Variants in RBPMS observed in about 807,000 individuals in gnomAD.
RBPMS encodes the protein RNA-binding protein with multiple splicing.
In RBPMS, 7 loss-of-function variants were observed where a neutral mutation model predicts 26.8. The ratio of observed to expected loss-of-function variants is 0.26; its 90% CI spans 0.15 to 0.49. RBPMS has a LOEUF of 0.49. Ranked by LOEUF, RBPMS falls within the 20% of genes least tolerant of loss-of-function variation. RBPMS has a pLI of 0.98. For synonymous variants in RBPMS, 96 were observed against 93.3 expected (o/e 1.03, Z -0.17); for missense variants, 186 against 250.0 (o/e 0.74, Z 1.73).
intron 1 of RBPMS, among the ~76,000 whole-genome samples, chr8:30,411,108 T>C (rs192531895): frequency 9.2e-5 from 14 of 152,306 alleles, no homozygotes; most frequent in East Asian, 1.9e-4. Context: ...CTCTGTCTTA[T>C]TTCGTACTGG....
intron 4 of RBPMS, among the ~76,000 whole-genome samples, chr8:30,496,415 T>G (rs554268545): frequency 1.1e-4 from 16 of 152,152 alleles, no homozygotes; most frequent in East Asian, 5.8e-4. Flanking sequence ...TGATCTGCCC[T>G]CCTTGGCCTC....
At chr8:30,560,592 A>G (rs1010402090) in intron 7 of RBPMS, among the ~76,000 whole-genome samples, 2 of 152,206 alleles carry the variant, frequency 1.3e-5, no homozygotes, top group African/African-American at 4.8e-5. Flanking sequence ...AATACTTCAT[A>G]TTCGAGTGTG....
At chr8:30,557,277 T>C (rs902542589) in intron 6 of RBPMS, among the ~76,000 whole-genome samples, 5 of 152,148 alleles carry the variant, frequency 3.3e-5, no homozygotes, top group African/African-American at 1.2e-4. Flanking sequence ...AGGAGGCCCA[T>C]GGGGAGGAGG....
At chr8:30,522,883 C>T (rs1823207336) in intron 5 of RBPMS, among the ~76,000 whole-genome samples, 1 of 151,956 alleles carries the variant, frequency 6.6e-6, no homozygotes, top group African/African-American at 2.4e-5. Context: ...TGGTATTTTC[C>T]AGTTATTTGT....
At chr8:30,462,664 G>C (rs1816052304) in intron 1 of RBPMS, among the ~76,000 whole-genome samples, 1 of 152,072 alleles carries the variant, frequency 6.6e-6, no homozygotes, top group African/African-American at 2.4e-5. Context: ...CTGACCTCAA[G>C]TGATCGGCCA....
chr8:30,512,051 G>A (rs1821777692), intron 5 of RBPMS, among the ~76,000 whole-genome samples: 1 of 152,082 alleles, frequency 6.6e-6, no homozygotes, highest in African/African-American at 2.4e-5. Flanking sequence ...CACGTTAAGA[G>A]AACATGCCTC....
chr8:30,543,330 C>G (rs1195094466), intron 5 of RBPMS, among the ~76,000 whole-genome samples: 8 of 152,102 alleles, frequency 5.3e-5, no homozygotes, highest in African/African-American at 1.9e-4. Flanking sequence ...GTTGCTAGCC[C>G]CCTTTCTGTA....
intron 5 of RBPMS, among the ~76,000 whole-genome samples, chr8:30,510,982 T>C (rs368258634): frequency 7.2e-5 from 11 of 152,108 alleles, no homozygotes; most frequent in African/African-American, 2.2e-4. Flanking sequence ...TAAAGAGATA[T>C]AAAGTCAGGA....
chr8:30,498,904 A>C (rs1585669542), intron 4 of RBPMS, among the ~76,000 whole-genome samples: 1 of 152,114 alleles, frequency 6.6e-6, no homozygotes, highest in East Asian at 1.9e-4. Context: ...ATAAAAATTA[A>C]AAATATTTTA....
chr8:30,518,795 C>T (rs182835108), intron 5 of RBPMS, among the ~76,000 whole-genome samples: 60 of 139,624 alleles, frequency 4.3e-4, no homozygotes, highest in African/African-American at 1.4e-3. Context: ...CATACATTAT[C>T]GTTAACCCCT....
At chr8:30,439,060 T>C (rs531894880) in intron 1 of RBPMS, among the ~76,000 whole-genome samples, 2 of 152,342 alleles carry the variant, frequency 1.3e-5, no homozygotes, top group African/African-American at 4.8e-5. Flanking sequence ...TACAAGAAGA[T>C]GTGACTTATT....
chr8:30,500,066 G>A (rs998873141), intron 4 of RBPMS, among the ~76,000 whole-genome samples: 1 of 152,164 alleles, frequency 6.6e-6, no homozygotes, highest in African/African-American at 2.4e-5. Flanking sequence ...TGAATGCTGT[G>A]TCCCAGTAGG....
At chr8:30,479,860 T>A (rs1310167407) in intron 4 of RBPMS, among the ~76,000 whole-genome samples, 1 of 152,100 alleles carries the variant, frequency 6.6e-6, no homozygotes, top group Non-Finnish European at 1.5e-5. Context: ...ATTAAAAATT[T>A]ACATATAAGG....
intron 6 of RBPMS, among the ~76,000 whole-genome samples, chr8:30,554,611 A>G (rs1826691542): frequency 6.6e-6 from 1 of 152,100 alleles, no homozygotes; most frequent in African/African-American, 2.4e-5. Flanking sequence ...AGACTTGACC[A>G]TGTGCCTGGT....
At chr8:30,503,105 G>C (rs1820728638) in intron 4 of RBPMS, among the ~76,000 whole-genome samples, 1 of 152,168 alleles carries the variant, frequency 6.6e-6, no homozygotes, top group Middle Eastern at 3.4e-3. Context: ...CCTCCCTAAG[G>C]ACCTCTCTTT....
At chr8:30,426,815 TG>T (rs960831391) in intron 1 of RBPMS, among the ~76,000 whole-genome samples, 8 of 152,116 alleles carry the variant, frequency 5.3e-5, no homozygotes, top group African/African-American at 1.9e-4. Flanking sequence ...TTTGAGAGTC[TG>T]GTGAAGCCTG....
chr8:30,499,585 G>A (rs575268171), intron 4 of RBPMS, among the ~76,000 whole-genome samples: 6 of 151,754 alleles, frequency 4.0e-5, no homozygotes, highest in East Asian at 1.9e-4. Context: ...CAAAAAATGC[G>A]TAACCTGAAT....
intron 5 of RBPMS, among the ~76,000 whole-genome samples, chr8:30,511,368 TCCTAGCACTTTGGGAGGCCGAGG>T (rs1821572247): frequency 6.6e-6 from 1 of 150,512 alleles, no homozygotes; most frequent in Non-Finnish European, 1.5e-5. Flanking sequence ...ATTCCTGTAA[TCCTAGCACTTTGGGAGGCCGAGG>T]CAGGCGGGTT....
chr8:30,522,253 G>A (rs1406357840), intron 5 of RBPMS, among the ~76,000 whole-genome samples: 1 of 150,382 alleles, frequency 6.6e-6, no homozygotes, highest in Admixed American at 6.7e-5. Flanking sequence ...GGGCAACATA[G>A]TGAGACCCCA....
Sources: gnomAD v4.1 joint callset for allele counts (sites outside exome capture counted in the v4.1 genomes callset) on GRCh38, gnomAD v4.1.1 for gene constraint, MANE v1.5 for transcripts, NCBI Gene and HGNC (gene_info 2026-07-23, HGNC 2026-07-21) for gene names.